The following RPS6KA2 variants were observed in gnomAD, a reference collection of about 807,000 sequenced individuals.
RPS6KA2 encodes ribosomal protein S6 kinase A2.
Under a neutral mutation model 91.8 loss-of-function variants are expected in RPS6KA2, and 42 were observed. The ratio of observed to expected loss-of-function variants is 0.46; its 90% CI spans 0.36 to 0.59. The LOEUF (loss-of-function observed/expected upper bound fraction) is 0.59. Among genes scored for constraint, RPS6KA2 ranks in the 20% least tolerant of loss-of-function variants. The pLI is 0.00. For synonymous variants in RPS6KA2, 414 were observed against 393.6 expected (o/e 1.05, Z -0.61); for missense variants, 798 against 978.5 (o/e 0.82, Z 2.46).
At chr6:166,769,042 G>A (rs1444946824) in intron 2 of RPS6KA2, among the ~76,000 whole-genome samples, 4 of 152,224 alleles carry the variant, frequency 2.6e-5, no homozygotes, top group Non-Finnish European at 2.9e-5. Context: ...TGCCTGTGCC[G>A]GCCTGGCTGT....
At chr6:166,429,967 T>C (rs923992374) in intron 16 of RPS6KA2, among the ~76,000 whole-genome samples, 7 of 151,752 alleles carry the variant, frequency 4.6e-5, no homozygotes, top group African/African-American at 9.7e-5. Flanking sequence ...CTTTTCTTTT[T>C]TTTTTTTTGA....
chr6:166,582,952 A>G (rs1785066363), intron 1 of RPS6KA2, among the ~76,000 whole-genome samples: 1 of 152,180 alleles, frequency 6.6e-6, no homozygotes, highest in Non-Finnish European at 1.5e-5. Flanking sequence ...ATAACTCACT[A>G]TATTTTTTAC....
intron 3 of RPS6KA2, among the ~76,000 whole-genome samples, chr6:166,515,557 T>C (rs146635988): frequency 2.0e-5 from 3 of 152,366 alleles, no homozygotes; most frequent in African/African-American, 7.2e-5. Context: ...CAAAATCTCA[T>C]ATCAGCATCG....
chr6:166,744,851 C>G (rs1331710080), intron 2 of RPS6KA2, among the ~76,000 whole-genome samples: 1 of 152,178 alleles, frequency 6.6e-6, no homozygotes, highest in Non-Finnish European at 1.5e-5. Context: ...CCCTCCCTTC[C>G]TAAAGCTTAG....
chr6:166,430,663 G>T (rs373629794), intron 15 of RPS6KA2, 52 bp from the exon 16 acceptor site: 2 of 1,561,764 alleles, frequency 1.3e-6, no homozygotes, highest in East Asian at 2.3e-5. Flanking sequence ...TGCTGTGAAA[G>T]AGCAACTACT....
chr6:166,450,407 A>AGGGACCACCACAGGGACCACCATG (rs1438140445), intron 13 of RPS6KA2, among the ~76,000 whole-genome samples: 1 of 72,018 alleles, frequency 1.4e-5, no homozygotes, highest in Non-Finnish European at 3.2e-5. Context: ...AGATCACCAC[A>AGGGACCACCACAGGGACCACCATG]GGGACCACCA....
chr6:166,500,953 T>C lies in RPS6KA2; in HGVS notation c.567-29A>G. 1 of 1,609,614 alleles carries C rather than the reference T, an allele frequency of 6.2e-7. No individual in the cohort carries two copies. The highest frequency in any genetic ancestry group is 2.2e-5 in the East Asian group (1 of 44,844). ...AAAGAAAGGGAGAGAAAACAGATGC[T>C]TTAGAAAGAGACCCAGCCTGCCGAC... On this transcript the variant is annotated intron_variant, in intron 6 of 20. Coordinates refer to ENST00000265678, the MANE Select transcript of RPS6KA2 (RefSeq NM_021135.6). The surrounding 1 kb of genome is among the most constrained non-coding windows in gnomAD (Gnocchi z 4.3).
chr6:166,657,875 G>A (rs1045512162), intron 2 of RPS6KA2, among the ~76,000 whole-genome samples: 8 of 152,170 alleles, frequency 5.3e-5, no homozygotes, highest in Non-Finnish European at 1.0e-4. Context: ...ACCTGGCTGG[G>A]AGGAATTCAC....
rs1208806995 is a variant in RPS6KA2 at position 166,852,049 on chromosome 6, C to G, written c.123+6151G>C. Among the ~76,000 whole-genome samples, 2 of 152,230 alleles carry G rather than the reference C, an allele frequency of 1.3e-5. No individual in the cohort carries two copies. Among genetic ancestry groups the G allele is most frequent in the Non-Finnish European group, 2.9e-5 (2 of 68,050 alleles). On this transcript the variant is annotated intron_variant, in intron 2 of 21. Coordinates refer to the RPS6KA2 transcript ENST00000503859. This position sits in a 1 kb window ranked among gnomAD's most constrained non-coding sequence, Gnocchi z 4.1. The stretch of plus-strand genomic sequence containing the variant: ...TATTCTCACCCGCTCCACAGTGCGT[C>G]TAAACACAGATGGGCCTGCAGTGGC...
At chr6:166,480,484 T>TATATATATA (rs1425247395) in intron 10 of RPS6KA2, among the ~76,000 whole-genome samples, 7 of 16,318 alleles carry the variant, frequency 4.3e-4, no homozygotes, top group African/African-American at 9.2e-4. Flanking sequence ...TGATTTTATA[T>TATATATATA]ATATATATAT....
At chr6:166,576,622 G>A (rs994970267) in intron 1 of RPS6KA2, among the ~76,000 whole-genome samples, 7 of 152,172 alleles carry the variant, frequency 4.6e-5, no homozygotes, top group East Asian at 3.8e-4. Context: ...GGTATCTGGC[G>A]GAAGAACTTT....
chr6:166,424,800 C>T (rs1778850566), intron 16 of RPS6KA2, among the ~76,000 whole-genome samples: 1 of 152,224 alleles, frequency 6.6e-6, no homozygotes, highest in Non-Finnish European at 1.5e-5. Flanking sequence ...GAATTCTTTA[C>T]CCGTTGCAAG....
chr6:166,790,828 C>T (rs554267048), intron 2 of RPS6KA2, among the ~76,000 whole-genome samples: 1 of 152,238 alleles, frequency 6.6e-6, no homozygotes, highest in East Asian at 1.9e-4. Flanking sequence ...GATTTTGTCA[C>T]CACCAGGCCT....
At chr6:166,466,899 C>A (rs1443030572) in intron 11 of RPS6KA2, among the ~76,000 whole-genome samples, 2 of 23,776 alleles carry the variant, frequency 8.4e-5, no homozygotes, top group East Asian at 1.4e-3. Flanking sequence ...CACTCACTCC[C>A]TCATTCACTC....
At chr6:166,631,009 G>A (rs903259054), upstream of RPS6KA2, among the ~76,000 whole-genome samples, 1 of 152,184 alleles carries the variant, frequency 6.6e-6, no homozygotes, top group East Asian at 1.9e-4. Flanking sequence ...AGTCAGAAGG[G>A]ATCAAGTTTG....
chr6:166,595,410 A>G (rs1406460336), intron 1 of RPS6KA2, among the ~76,000 whole-genome samples: 1 of 152,190 alleles, frequency 6.6e-6, no homozygotes, highest in African/African-American at 2.4e-5. Context: ...GCTATTTCAT[A>G]ATTCCCAAAA....
intron 12 of RPS6KA2, among the ~76,000 whole-genome samples, chr6:166,457,117 G>A (rs1554275784): frequency 6.6e-6 from 1 of 152,222 alleles, no homozygotes; most frequent in Non-Finnish European, 1.5e-5. Context: ...TAAACACACA[G>A]CCCCACATGT....
chr6:166,621,799 A>C (rs1786645923), intron 1 of RPS6KA2, among the ~76,000 whole-genome samples: 1 of 152,176 alleles, frequency 6.6e-6, no homozygotes, highest in Non-Finnish European at 1.5e-5. Flanking sequence ...GAAGGTCCCC[A>C]AGGCCGCACA....
intron 1 of RPS6KA2, among the ~76,000 whole-genome samples, chr6:166,575,843 T>TG (rs1784822937): frequency 1.3e-5 from 2 of 152,034 alleles, no homozygotes; most frequent in Admixed American, 1.3e-4. Context: ...TCATTTCACA[T>TG]GAAAAAAAAA....
Sources: gnomAD v4.1 joint callset for allele counts (sites outside exome capture counted in the v4.1 genomes callset) on GRCh38, gnomAD v4.1.1 for gene constraint, Gnocchi (gnomAD v3.1) non-coding constraint, MANE v1.5 for transcripts, NCBI Gene and HGNC (gene_info 2026-07-23, HGNC 2026-07-21) for gene names.